Variants in DAB1 observed in about 807,000 individuals in gnomAD.
DAB1 encodes disabled homolog 1.
In DAB1, 15 loss-of-function variants were observed where a neutral mutation model predicts 64.6. The ratio of observed to expected loss-of-function variants is 0.23; its 90% CI spans 0.16 to 0.36. The LOEUF (loss-of-function observed/expected upper bound fraction) is 0.36, where lower values mean the gene tolerates loss of function less well. Among genes scored for constraint, DAB1 ranks in the 10% least tolerant of loss-of-function variants. The pLI is 1.00. For missense variants in DAB1, 596 were observed against 706.7 expected, an observed-to-expected ratio of 0.84 and a Z score of 1.78; for synonymous variants, 235 against 251.9, an observed-to-expected ratio of 0.93 and a Z score of 0.64.
At chr1:57,426,982 G>T (rs377639310), upstream of DAB1, among the ~76,000 whole-genome samples, 1,010 of 151,656 alleles carry the variant, frequency 6.7e-3, 9 homozygotes, top group African/African-American at 0.01. Flanking sequence ...TCCTGCCTCA[G>T]CCTCTCAAGT....
At chr1:57,822,702 C>T (rs893239838), downstream of DAB1, among the ~76,000 whole-genome samples, 11 of 151,952 alleles carry the variant, frequency 7.2e-5, no homozygotes, top group South Asian at 2.1e-4. Flanking sequence ...AGAAATATAA[C>T]GTCAGCCACA....
chr1:57,819,117 T>G (rs1289327984), intron 6 of DAB1, among the ~76,000 whole-genome samples: 1 of 152,226 alleles, frequency 6.6e-6, no homozygotes, highest in Non-Finnish European at 1.5e-5. Context: ...GTAGACAAAG[T>G]CTGAGATTTG....
At chr1:58,489,188 C>T (rs1374954569) in intron 3 of DAB1, among the ~76,000 whole-genome samples, 2 of 152,200 alleles carry the variant, frequency 1.3e-5, no homozygotes, top group African/African-American at 2.4e-5. Context: ...AATTCCCTTT[C>T]CTAGCCAAGG....
Position 57,038,291 on chromosome 1 carries a change from T to C in DAB1, c.724-12248A>G, listed in dbSNP as rs577925123. Reference sequence around the variant, plus strand: ...GTTTGCAAAAGCAGCCGACTTCTTCTAGCTATAAGAGGTTTTTTTTCATTG... The same window carrying C: ...GTTTGCAAAAGCAGCCGACTTCTTCCAGCTATAAGAGGTTTTTTTTCATTG... On this transcript the variant is annotated intron_variant, in intron 9 of 14. Transcript: ENST00000371236. Among the ~76,000 whole-genome samples, 6 of 152,356 alleles carry C rather than the reference T, an allele frequency of 3.9e-5. No individual in the cohort carries two copies. In the East Asian group the frequency reaches 7.7e-4, roughly 20 times the overall value.
chr1:57,075,631 T>C (rs905753460), intron 4 of DAB1, among the ~76,000 whole-genome samples: 4 of 152,244 alleles, frequency 2.6e-5, no homozygotes, highest in Non-Finnish European at 4.4e-5. Context: ...TCTTGTTCAC[T>C]GAGCCTCAAG....
chr1:57,575,248 C>T (rs1524722), intron 7 of DAB1, among the ~76,000 whole-genome samples: 144,596 of 152,318 alleles, frequency 0.95, 69,054 homozygotes, highest in East Asian at 1. Context: ...TAAATGATGC[C>T]TTTTAAACCT....
At chr1:58,521,426 A>G (rs1646261588) in intron 2 of DAB1, among the ~76,000 whole-genome samples, 1 of 152,032 alleles carries the variant, frequency 6.6e-6, no homozygotes, top group Non-Finnish European at 1.5e-5. Flanking sequence ...GAATAAAATA[A>G]TGAAAAAAAA....
At chr1:58,064,566 G>C (rs897038472) in intron 5 of DAB1, among the ~76,000 whole-genome samples, 2 of 152,188 alleles carry the variant, frequency 1.3e-5, no homozygotes, top group African/African-American at 4.8e-5. Flanking sequence ...CCTTGATTTT[G>C]TGCCTCCAGT....
intron 3 of DAB1, among the ~76,000 whole-genome samples, chr1:57,143,057 T>C (rs759358048): frequency 6.6e-6 from 1 of 152,140 alleles, no homozygotes; most frequent in Non-Finnish European, 1.5e-5. Context: ...ATTGGAGAGT[T>C]TGAAGCAGCA....
chr1:58,092,537 T>G (rs1650732167), intron 5 of DAB1, among the ~76,000 whole-genome samples: 1 of 152,010 alleles, frequency 6.6e-6, no homozygotes, highest in Non-Finnish European at 1.5e-5. Context: ...GAAAACACCT[T>G]CCCTAAAGTT....
chr1:57,322,678 G>A (rs912254100), intron 1 of DAB1, among the ~76,000 whole-genome samples: 2 of 152,182 alleles, frequency 1.3e-5, no homozygotes, highest in African/African-American at 4.8e-5. Flanking sequence ...TTATGCAGTA[G>A]GAGATACTCT....
intron 3 of DAB1, among the ~76,000 whole-genome samples, chr1:57,140,936 T>C (rs1479230577): frequency 2.0e-5 from 3 of 152,120 alleles, no homozygotes; most frequent in Non-Finnish European, 2.9e-5. Flanking sequence ...AGATGTATGA[T>C]GTACATGAAA....
At chr1:57,321,068 T>C (rs1675677937) in intron 1 of DAB1, among the ~76,000 whole-genome samples, 1 of 152,190 alleles carries the variant, frequency 6.6e-6, no homozygotes. Flanking sequence ...AACGAAGGTA[T>C]ACAAAGGTAA....
chr1:57,023,712 G>T, intron 10 of DAB1, 73 bp from the exon 11 acceptor site: 1 of 991,026 alleles, frequency 1.0e-6, no homozygotes, highest in Non-Finnish European at 1.6e-6. Context: ...GGTAGCAGAT[G>T]CAGGAATTAA....
chr1:57,757,734 A>G (rs1648883146), intron 6 of DAB1, among the ~76,000 whole-genome samples: 1 of 152,176 alleles, frequency 6.6e-6, no homozygotes, highest in Non-Finnish European at 1.5e-5. Context: ...CTGAGGGTTC[A>G]GACTCCATTT....
intron 3 of DAB1, among the ~76,000 whole-genome samples, chr1:58,459,465 T>A (rs1275557011): frequency 2.0e-5 from 3 of 152,182 alleles, no homozygotes; most frequent in Non-Finnish European, 4.4e-5. Flanking sequence ...CTGTTGGTAA[T>A]CATCCTGGAT....
chr1:57,511,481 A>G (rs1474279237), intron 7 of DAB1, among the ~76,000 whole-genome samples: 2 of 152,212 alleles, frequency 1.3e-5, no homozygotes, highest in African/African-American at 4.8e-5. Flanking sequence ...AATCATACCT[A>G]AAATAATATC....
At chr1:58,122,558 C>T (rs1222190241) in intron 5 of DAB1, among the ~76,000 whole-genome samples, 1 of 151,610 alleles carries the variant, frequency 6.6e-6, no homozygotes, top group African/African-American at 2.4e-5. Flanking sequence ...AGGAGTTAGC[C>T]AAGGGTAAAA....
intron 7 of DAB1, among the ~76,000 whole-genome samples, chr1:57,435,299 T>G (rs1382118270): frequency 6.6e-6 from 1 of 152,142 alleles, no homozygotes. Flanking sequence ...TCTGACTGCC[T>G]CAGCCTCCCA....
Sources: allele counts gnomAD v4.1 joint callset (sites outside exome capture counted in the v4.1 genomes callset), GRCh38; gene constraint gnomAD v4.1.1; transcripts MANE v1.5; gene names NCBI Gene and HGNC (gene_info 2026-07-23, HGNC 2026-07-21).